Variants in AQP4 observed in about 807,000 individuals in gnomAD.
AQP4 encodes aquaporin 4.
A neutral mutation model predicts 27.8 loss-of-function variants in AQP4; 18 were observed. The observed-to-expected ratio is 0.65, with a 90% CI of 0.45 to 0.96. The LOEUF is 0.96. Ranked by LOEUF, AQP4 falls within the 40% of genes least tolerant of loss-of-function variation. AQP4 has a pLI of 0.00. For synonymous variants in AQP4, 141 were observed against 142.9 expected, an observed-to-expected ratio of 0.99 and a Z score of 0.10; for missense variants, 412 against 408.2, an observed-to-expected ratio of 1.01 and a Z score of -0.08.
In AQP4 at chr18:26,852,663, A is replaced by T; in HGVS notation, c.*3548T>A. 1 of 395,266 alleles carries T rather than the reference A, an allele frequency of 2.5e-6. No homozygotes were observed. The highest frequency in any genetic ancestry group is 4.5e-6 in the Non-Finnish European group (1 of 224,226). 24.5% of individuals were successfully genotyped at this position (395,266 alleles called of 1,614,324 possible). A position where few individuals can be genotyped will look rare whatever the true frequency, so the allele number is the denominator to read the frequency against. Reference sequence around the variant, plus strand: ...CTAAACTCACAAAATTTGTGGTAACAAAAGAGAGTTTTGTTACATTACACT... The same window carrying T: ...CTAAACTCACAAAATTTGTGGTAACTAAAGAGAGTTTTGTTACATTACACT... On this transcript the variant is annotated 3_prime_UTR_variant, in exon 5 of 5. Coordinates refer to ENST00000383168, the MANE Select transcript of AQP4 (RefSeq NM_001650.7).
Position 26,860,822 on chromosome 18 carries a change from C to A in AQP4, c.643G>T (p.Ala215Ser). Residue 215 changes from alanine (A) to serine (S), a missense_variant, in exon 4 of 5, where the codon GCC becomes TCC. Physicochemically the swap from Ala to Ser is moderately conservative, Grantham distance 99. Coordinates refer to ENST00000383168, the MANE Select transcript of AQP4 (RefSeq NM_001650.7). ...ATAACTGCAGGTCCAAAGGATCGGG[C>A]GGGATTCATGCTGGCACCAGTATAA... is the stretch of plus-strand genomic sequence containing the variant. ...INYTGASMNP[A>S]RSFGPAVIMG... 6.2e-7 allele frequency: 1 copy of A among 1,613,960 alleles called. No individual in the cohort carries two copies. The highest frequency in any genetic ancestry group is 8.5e-7 in the Non-Finnish European group (1 of 1,179,936).
intron 1 of AQP4, among the ~76,000 whole-genome samples, chr18:26,863,998 G>T (rs112654773): frequency 5.5e-5 from 7 of 126,634 alleles, no homozygotes; most frequent in African/African-American, 1.5e-4. Context: ...CCCTTTTGGG[G>T]GGGGGGGGCA....
chr18:26,861,231 A>C lies in AQP4; in HGVS notation c.512T>G (p.Val171Gly). 1 of 1,614,098 alleles carries C rather than the reference A, an allele frequency of 6.2e-7. No homozygotes were observed. Among genetic ancestry groups the C allele is most frequent in the Non-Finnish European group, 8.5e-7 (1 of 1,179,934 alleles). The change falls in exon 3 of 5, where the codon GTG becomes GGG. Residue 171 changes from valine (V) to glycine (G), a missense_variant. Val to Gly is a moderately radical substitution (Grantham distance 109, BLOSUM62 -3). Transcript: ENST00000383168. ...LVELIITFQL[V>G]FTIFASCDSK... is the part of the protein sequence containing the mutation. ...ATCACAGCTGGCAAAGATAGTAAAC[A>C]CCAATTGAAATGTGATTATCAACTC... is the stretch of plus-strand genomic sequence containing the variant.
Position 26,852,388 on chromosome 18 carries a change from T to C in AQP4, c.*3823A>G. On this transcript the variant is annotated 3_prime_UTR_variant, in exon 5 of 5. Coordinates refer to ENST00000383168, the MANE Select transcript of AQP4 (RefSeq NM_001650.7). ...AAGAGAACCTAGAAATACATTCCAA[T>C]GGGTTACATAAATTAGACGTATTTT... 1 of 154,094 alleles carries C rather than the reference T, an allele frequency of 6.5e-6. No individual in the cohort carries two copies. Among genetic ancestry groups the C allele is most frequent in the Non-Finnish European group, 1.4e-5 (1 of 69,290 alleles). The allele number at this position is 154,094 out of a possible 1,614,324, so 9.5% of individuals were successfully genotyped here.
rs1402383136 is a variant in AQP4 at position 26,862,169 on chromosome 18, C to G, written c.447+13G>C. 5.0e-6 allele frequency: 8 copies of G among 1,613,960 alleles called. No homozygotes were observed. Among genetic ancestry groups the G allele is most frequent in the Non-Finnish European group, 6.8e-6 (8 of 1,179,880 alleles). On this transcript the variant is annotated intron_variant, in intron 2 of 4. Transcript: ENST00000383168. ...GCTTGGAGTCCTAGTTTGAAAATAG[C>G]TAAAGATGCTACCATGGTGACTCCC... is the stretch of plus-strand genomic sequence containing the variant.
In AQP4 at chr18:26,862,687, T is replaced by C; in HGVS notation, c.33-91A>G. The C allele has an allele frequency of 2.5e-6, 4 of 1,570,882 alleles. No homozygotes were observed. In the South Asian group the frequency reaches 3.3e-5, roughly 13 times the overall value. On this transcript the variant is annotated intron_variant, in intron 1 of 4. Transcript: ENST00000383168. ...AACAAGGCCTGCCATCTTCGGGTACTGTGGGCAGGGGCTGCCAGGCGTGAT... is the reference window on the plus strand; with the variant it reads ...AACAAGGCCTGCCATCTTCGGGTACCGTGGGCAGGGGCTGCCAGGCGTGAT...
chr18:26,862,836 G>A, intron 1 of AQP4: 2 of 588,822 alleles, frequency 3.4e-6, no homozygotes, highest in South Asian at 4.2e-5. Context: ...TATCCAAACT[G>A]TCCCTAGAAA....
chr18:26,862,571 C>T lies in AQP4; in HGVS notation c.58G>A (p.Glu20Lys). The T allele has an allele frequency of 6.2e-7, 1 of 1,614,024 alleles. No homozygotes were observed. Among genetic ancestry groups the T allele is most frequent in the Non-Finnish European group, 8.5e-7 (1 of 1,180,038 alleles). Residue 20 changes from glutamate to lysine, a missense_variant, in exon 2 of 5, where the codon GAG becomes AAG. Glu to Lys is a moderately conservative substitution (Grantham distance 56). Transcript: ENST00000383168. ...WGKCGPLCTR[E>K]NIMVAFKGVW... ...CCTTTGAAAGCCACCATGATGTTCT[C>T]TCTGGTACACAAAGGTCCACACTTA...
In AQP4 at chr18:26,854,610, G is replaced by A. The variant is rs982076558; in HGVS notation, c.*1601C>T. The A allele has an allele frequency of 6.6e-6, 1 of 152,644 alleles. No individual in the cohort carries two copies. The highest frequency in any genetic ancestry group is 2.4e-5 in the African/African-American group (1 of 41,458). 9.5% of individuals were successfully genotyped at this position (152,644 alleles called of 1,614,324 possible). On this transcript the variant is annotated 3_prime_UTR_variant, in exon 5 of 5. Transcript: ENST00000383168. ...GCACCGAAGAGAATCAGGTTTAATAGTGGTCCATTATCTCACTGCCACAGA... is the reference window on the plus strand; with the variant it reads ...GCACCGAAGAGAATCAGGTTTAATAATGGTCCATTATCTCACTGCCACAGA...
chr18:26,863,568 T>C (rs1488105798), intron 1 of AQP4, among the ~76,000 whole-genome samples: 1 of 152,030 alleles, frequency 6.6e-6, no homozygotes, highest in African/African-American at 2.4e-5. Context: ...TGCCCGACCC[T>C]CTCTCACCCC....
At position 26,854,725 on chromosome 18, in the gene AQP4, C is replaced by T. The variant is rs1443271635; in HGVS notation, c.*1486G>A. Reference sequence around the variant, plus strand: ...CCTTGATCATCAGTTATTTACAAGTCACTCCTTGCAGTGATAGGTTTCTGC... The same window carrying T: ...CCTTGATCATCAGTTATTTACAAGTTACTCCTTGCAGTGATAGGTTTCTGC... On this transcript the variant is annotated 3_prime_UTR_variant, in exon 5 of 5. Transcript: ENST00000383168. 1 of 152,626 alleles carries T rather than the reference C, an allele frequency of 6.6e-6. No homozygotes were observed. The highest frequency in any genetic ancestry group is 1.5e-5 in the Non-Finnish European group (1 of 68,048). 9.5% of individuals were successfully genotyped at this position (152,626 alleles called of 1,614,324 possible).
At chr18:26,862,092 A>G (rs455671) in intron 2 of AQP4, 90 bp downstream of exon 2, 279,152 of 1,438,840 alleles carry the variant, frequency 0.19, 29,775 homozygotes, top group East Asian at 0.39. Context: ...TAGCTATTTT[A>G]GGGATGTGCC....
chr18:26,859,674 T>C (rs577844657), intron 4 of AQP4, among the ~76,000 whole-genome samples: 4 of 152,352 alleles, frequency 2.6e-5, no homozygotes, highest in East Asian at 3.9e-4. Context: ...GAACGCTGAC[T>C]CTTATTCTGT....
At chr18:26,858,507 ACT>A (rs1031769200) in intron 4 of AQP4, among the ~76,000 whole-genome samples, 2 of 152,160 alleles carry the variant, frequency 1.3e-5, no homozygotes, top group African/African-American at 4.8e-5. Context: ...TTACGGGGAA[ACT>A]GTTGCTAGTG....
At chr18:26,856,602 A>T (rs1198678599) in intron 4 of AQP4, 113 bp from the exon 5 acceptor site, 2 of 1,249,484 alleles carry the variant, frequency 1.6e-6, no homozygotes, top group Non-Finnish European at 2.3e-6. Flanking sequence ...TGTGTCATGC[A>T]TCAAAAAGAG....
chr18:26,862,435 G>T lies in AQP4; in HGVS notation c.194C>A (p.Pro65His). ...STINWGGTEK[P>H]LPVDMVLISL... is the part of the protein sequence containing the mutation. ...GATGAGAACCATGTCGACCGGTAAAGGCTTTTCTGTTCCACCCCAGTTGAT... is the reference window on the plus strand; with the variant it reads ...GATGAGAACCATGTCGACCGGTAAATGCTTTTCTGTTCCACCCCAGTTGAT... The change falls in exon 2 of 5, where the codon CCT becomes CAT. Residue 65 changes from proline to histidine, a missense_variant. Physicochemically the swap from Pro to His is moderately conservative, Grantham distance 77. Transcript: ENST00000383168. 6.2e-7 allele frequency: 1 copy of T among 1,614,198 alleles called. No individual in the cohort carries two copies. Among genetic ancestry groups the T allele is most frequent in the African/African-American group, 1.3e-5 (1 of 75,038 alleles).
At chr18:26,860,747 T>C (rs761226614) in intron 4 of AQP4, 25 bp downstream of exon 4, 1 of 1,588,016 alleles carries the variant, frequency 6.3e-7, no homozygotes, top group South Asian at 1.1e-5. Context: ...TGTAGGAAGA[T>C]GGGAACTATC....
intron 2 of AQP4, chr18:26,861,976 T>G: frequency 3.1e-6 from 2 of 647,180 alleles, no homozygotes; most frequent in South Asian, 2.0e-5. Flanking sequence ...TTTGTTATTT[T>G]TAAGGCACTC....
chr18:26,862,297 C>A lies in AQP4; in HGVS notation c.332G>T (p.Ser111Ile). Reference sequence around the variant, plus strand: ...GATGTAGAAGACAGACTTGGCGATGCTGATCTTCCTGGTGCACACCATGGC... The same window carrying A: ...GATGTAGAAGACAGACTTGGCGATGATGATCTTCCTGGTGCACACCATGGC... ...TVAMVCTRKI[S>I]IAKSVFYIAA... is the part of the protein sequence containing the mutation. The change falls in exon 2 of 5, where the codon AGC becomes ATC. Residue 111 changes from serine to isoleucine, a missense_variant. Coordinates refer to ENST00000383168, the MANE Select transcript of AQP4 (RefSeq NM_001650.7). The A allele has an allele frequency of 6.2e-7, 1 of 1,614,230 alleles. No homozygotes were observed. Among genetic ancestry groups the A allele is most frequent in the South Asian group, 1.1e-5 (1 of 91,090 alleles).
Sources: gnomAD v4.1 joint callset for allele counts (sites outside exome capture counted in the v4.1 genomes callset) on GRCh38, gnomAD v4.1.1 for gene constraint, MANE v1.5 for transcripts, NCBI Gene and HGNC (gene_info 2026-07-23, HGNC 2026-07-21) for gene names.